Variants in SEC24A observed in about 807,000 individuals in gnomAD.
SEC24A encodes the protein protein transport protein Sec24A.
Under a neutral mutation model 129.4 loss-of-function variants are expected in SEC24A, and 93 were observed. The ratio of observed to expected loss-of-function variants is 0.72; its 90% CI spans 0.61 to 0.85. The LOEUF is 0.85. Among genes scored for constraint, SEC24A ranks in the 40% least tolerant of loss-of-function variants. The pLI, the probability that SEC24A is intolerant of heterozygous loss-of-function variation, is 0.00. For missense variants in SEC24A, 1,264 were observed against 1,307.4 expected (o/e 0.97, Z 0.51); for synonymous variants, 460 against 467.3 (o/e 0.98, Z 0.20).
intron 1 of SEC24A, among the ~76,000 whole-genome samples, chr5:134,655,449 G>C (rs535700447): frequency 6.6e-6 from 1 of 152,148 alleles, no homozygotes; most frequent in East Asian, 1.9e-4. Context: ...CGGAGTTCAA[G>C]ACCAGCCTGG....
At chr5:134,707,648 C>CT (rs1321030343) in intron 17 of SEC24A, among the ~76,000 whole-genome samples, 1 of 151,758 alleles carries the variant, frequency 6.6e-6, no homozygotes, top group East Asian at 1.9e-4. Flanking sequence ...GTTTAAGTTA[C>CT]TTTTTTTTGT....
At chr5:134,658,219 C>T (rs977322732) in intron 1 of SEC24A, among the ~76,000 whole-genome samples, 4 of 151,804 alleles carry the variant, frequency 2.6e-5, no homozygotes, top group Non-Finnish European at 2.9e-5. Context: ...TGCAGTGAGC[C>T]GAGATCGCAC....
chr5:134,692,467 G>A (rs1298238736), intron 11 of SEC24A, 135 bp from the exon 12 acceptor site: 3 of 577,506 alleles, frequency 5.2e-6, no homozygotes, highest in East Asian at 3.0e-5. Flanking sequence ...TTGGACACAT[G>A]TAAACAGTGC....
At chr5:134,689,983 G>A (rs373864876) in intron 11 of SEC24A, among the ~76,000 whole-genome samples, 25 of 151,474 alleles carry the variant, frequency 1.7e-4, no homozygotes, top group African/African-American at 6.1e-4. Flanking sequence ...ACCAGGGGCT[G>A]GGGGGGGAGG....
Position 134,703,839 on chromosome 5 carries a change from G to C in SEC24A, c.2347G>C (p.Ala783Pro). The change falls in exon 16 of 23, where the codon GCT (alanine) becomes CCT (proline). Residue 783 changes from alanine to proline, a missense_variant. Ala to Pro is a conservative substitution (Grantham distance 27). Coordinates refer to ENST00000398844, the MANE Select transcript of SEC24A (RefSeq NM_021982.3). ...LLSLPNVNPD[A>P]GYAVQMSVEE... is the part of the protein sequence containing the mutation. ...GTCTTTGCCTAACGTCAACCCAGAC[G>C]CTGGGTATGCAGTACAGATGTCAGT... The C allele has an allele frequency of 6.2e-7, 1 of 1,610,858 alleles. No homozygotes were observed. The highest frequency in any genetic ancestry group is 8.5e-7 in the Non-Finnish European group (1 of 1,177,128).
intron 15 of SEC24A, among the ~76,000 whole-genome samples, chr5:134,700,758 G>A (rs1292750923): frequency 7.2e-6 from 1 of 139,682 alleles, no homozygotes; most frequent in Admixed American, 7.2e-5. Flanking sequence ...TTGCTCTTTT[G>A]TCCAGGCTGG....
At chr5:134,719,047 G>A (rs1046321957) in intron 20 of SEC24A, among the ~76,000 whole-genome samples, 1 of 151,960 alleles carries the variant, frequency 6.6e-6, no homozygotes, top group Non-Finnish European at 1.5e-5. Context: ...ACTGTACAAT[G>A]TGTGTTTTAA....
intron 8 of SEC24A, among the ~76,000 whole-genome samples, chr5:134,679,988 G>A (rs142943555): frequency 6.6e-6 from 1 of 152,106 alleles, no homozygotes; most frequent in Non-Finnish European, 1.5e-5. Flanking sequence ...ATAATAAGTG[G>A]TATATTTCAT....
intron 16 of SEC24A, among the ~76,000 whole-genome samples, chr5:134,705,090 A>ATATATATATATATATATATATATAT (rs1180461537): frequency 1.9e-4 from 24 of 123,236 alleles, no homozygotes; most frequent in Non-Finnish European, 3.4e-4. Context: ...ATATATATAT[A>ATATATATATATATATATATATATAT]TTTTTTTTTT....
At chr5:134,705,243 G>A in intron 16 of SEC24A, 84 bp from the exon 17 acceptor site, 1 of 1,030,400 alleles carries the variant, frequency 9.7e-7, no homozygotes, top group Non-Finnish European at 1.5e-6. Context: ...ACCCAGCTAA[G>A]AAGTGATTTT....
At chr5:134,649,322 C>G in intron 1 of SEC24A, 149 bp downstream of exon 1, 2 of 520,514 alleles carry the variant, frequency 3.8e-6, no homozygotes, top group South Asian at 5.2e-5. Flanking sequence ...CAGGGGACCA[C>G]GGCAGTTGTG....
intron 4 of SEC24A, 108 bp downstream of exon 4, chr5:134,671,994 A>C (rs1386464813): frequency 3.0e-5 from 21 of 693,438 alleles, no homozygotes; most frequent in Non-Finnish European, 4.5e-5. Flanking sequence ...CTTCATAATC[A>C]TGTAGCCATA....
At chr5:134,673,353 C>A (rs1580697078) in intron 4 of SEC24A, among the ~76,000 whole-genome samples, 2 of 152,108 alleles carry the variant, frequency 1.3e-5, no homozygotes, top group African/African-American at 4.8e-5. Context: ...CTCGCCCTGC[C>A]AGGATGTTAT....
intron 1 of SEC24A, among the ~76,000 whole-genome samples, chr5:134,655,537 T>C (rs1580675181): frequency 1.3e-5 from 2 of 151,356 alleles, no homozygotes; most frequent in Middle Eastern, 6.8e-3. Context: ...TAATCCCAGC[T>C]ACTCAGGAGG....
chr5:134,692,301 C>T (rs1272829114), intron 11 of SEC24A, among the ~76,000 whole-genome samples: 1 of 152,130 alleles, frequency 6.6e-6, no homozygotes, highest in Non-Finnish European at 1.5e-5. Flanking sequence ...CTTACCTCAG[C>T]CTCTCAAAGT....
intron 17 of SEC24A, among the ~76,000 whole-genome samples, chr5:134,706,737 A>C (rs1006340184): frequency 1.3e-5 from 2 of 152,014 alleles, no homozygotes; most frequent in African/African-American, 4.8e-5. Context: ...CCCTCCCAGG[A>C]TGGAGTGCAG....
intron 11 of SEC24A, among the ~76,000 whole-genome samples, chr5:134,691,885 C>CA (rs763382500): frequency 6.8e-6 from 1 of 147,012 alleles, no homozygotes; most frequent in South Asian, 2.1e-4. Flanking sequence ...TCATGTTAGT[C>CA]AAAAAAATTT....
intron 7 of SEC24A, among the ~76,000 whole-genome samples, chr5:134,676,438 C>CTTTTTT (rs34581398): frequency 1.4e-4 from 12 of 84,196 alleles, no homozygotes; most frequent in East Asian, 3.2e-4. Flanking sequence ...GCGCCCGGCT[C>CTTTTTT]TTTTTTTTTT....
chr5:134,705,091 T>TATATATATATATATATA lies in SEC24A; in HGVS notation c.2441-236_2441-235insATATATATATATATATA, dbSNP rs1491338363. On this transcript the variant is annotated intron_variant, in intron 16 of 22. Coordinates refer to ENST00000398844, the MANE Select transcript of SEC24A (RefSeq NM_021982.3). Reference sequence around the variant, plus strand: ...ATATTTATATATATATATATATATATTTTTTTTTTTTTAATTAATTTATTT... The same window carrying TATATATATATATATATA: ...ATATTTATATATATATATATATATATATATATATATATATATATTTTTTTTTTTTAATTAATTTATTT... 4.2e-5 allele frequency among the ~76,000 whole-genome samples: 4 copies of TATATATATATATATATA among 94,990 alleles called. No individual in the cohort carries two copies. The East Asian group carries it at 1.9e-3, about 45-fold the overall frequency. 62.3% of individuals were successfully genotyped at this position (94,990 alleles called of 152,430 possible).
Sources: gnomAD v4.1 joint callset for allele counts (sites outside exome capture counted in the v4.1 genomes callset) on GRCh38, gnomAD v4.1.1 for gene constraint, MANE v1.5 for transcripts, NCBI Gene and HGNC (gene_info 2026-07-23, HGNC 2026-07-21) for gene names.